Variants in STXBP5L observed in about 807,000 individuals in gnomAD.
STXBP5L encodes syntaxin-binding protein 5-like.
In STXBP5L, 65 loss-of-function variants were observed where a neutral mutation model predicts 144.5. The ratio of observed to expected loss-of-function variants is 0.45; its 90% confidence interval spans 0.37 to 0.55. The LOEUF is 0.55. Among genes scored for constraint, STXBP5L ranks in the 20% least tolerant of loss-of-function variants. STXBP5L has a pLI of 0.00. For synonymous variants in STXBP5L, 505 were observed against 469.6 expected (o/e 1.08, Z -0.97); for missense variants, 1,298 against 1,405.5 (o/e 0.92, Z 1.22).
intron 3 of STXBP5L, among the ~76,000 whole-genome samples, chr3:121,013,611 T>C (rs1436663400): frequency 6.6e-6 from 1 of 152,096 alleles, no homozygotes; most frequent in Non-Finnish European, 1.5e-5. Context: ...TCTCCCATTC[T>C]GTAGGTCATT....
At chr3:121,378,437 G>A (rs1413500107) in intron 20 of STXBP5L, among the ~76,000 whole-genome samples, 1 of 152,042 alleles carries the variant, frequency 6.6e-6, no homozygotes, top group Admixed American at 6.6e-5. Flanking sequence ...ATACTATAAT[G>A]ACAGAATACA....
chr3:121,211,334 C>T (rs375969161), intron 10 of STXBP5L, among the ~76,000 whole-genome samples: 22 of 152,138 alleles, frequency 1.4e-4, no homozygotes, highest in South Asian at 4.1e-4. Context: ...TGGGCTGAGA[C>T]GATGGGGTTT....
chr3:121,176,140 T>C (rs1428894323), intron 9 of STXBP5L, among the ~76,000 whole-genome samples: 2 of 152,044 alleles, frequency 1.3e-5, no homozygotes, highest in Admixed American at 6.6e-5. Flanking sequence ...CTAATCTCTC[T>C]GTAATTGATA....
intron 3 of STXBP5L, among the ~76,000 whole-genome samples, chr3:121,003,897 G>T (rs1197869001): frequency 6.6e-6 from 1 of 152,064 alleles, no homozygotes; most frequent in Non-Finnish European, 1.5e-5. Flanking sequence ...GCTCTGTTCT[G>T]TTCCATTGGT....
chr3:121,411,860 ACAATAGAC>A (rs1428650753), intron 23 of STXBP5L, among the ~76,000 whole-genome samples: 1 of 152,154 alleles, frequency 6.6e-6, no homozygotes, highest in Non-Finnish European at 1.5e-5. Context: ...TTAAAGAAAG[ACAATAGAC>A]CAAGTATGCA....
At chr3:121,264,309 A>G (rs1482752392) in intron 18 of STXBP5L, among the ~76,000 whole-genome samples, 1 of 152,224 alleles carries the variant, frequency 6.6e-6, no homozygotes, top group East Asian at 1.9e-4. Flanking sequence ...CTCCTGAGGA[A>G]AGCTGAGGCA....
intron 7 of STXBP5L, among the ~76,000 whole-genome samples, chr3:121,146,817 T>C (rs2045728202): frequency 1.3e-5 from 2 of 152,088 alleles, no homozygotes; most frequent in African/African-American, 4.8e-5. Flanking sequence ...AATGATGACA[T>C]AGATTTATAG....
At chr3:121,128,969 G>A (rs2044844328) in intron 7 of STXBP5L, among the ~76,000 whole-genome samples, 1 of 152,088 alleles carries the variant, frequency 6.6e-6, no homozygotes, top group East Asian at 1.9e-4. Context: ...TTGTTTGCAG[G>A]AGTAACTGTT....
chr3:121,004,815 G>T (rs1049713746), intron 3 of STXBP5L, among the ~76,000 whole-genome samples: 2 of 152,036 alleles, frequency 1.3e-5, no homozygotes, highest in Non-Finnish European at 2.9e-5. Flanking sequence ...TAATCATGTG[G>T]GTTTTGTCAT....
At chr3:121,004,956 T>G (rs1227766561) in intron 3 of STXBP5L, among the ~76,000 whole-genome samples, 1 of 152,180 alleles carries the variant, frequency 6.6e-6, no homozygotes, top group African/African-American at 2.4e-5. Flanking sequence ...GGTTTGCCAG[T>G]ATTTTGTTGA....
chr3:121,245,037 G>A (rs752343036), intron 14 of STXBP5L, among the ~76,000 whole-genome samples: 9 of 152,022 alleles, frequency 5.9e-5, no homozygotes, highest in South Asian at 2.1e-4. Context: ...ATAGAATATC[G>A]TAAGATTTTA....
intron 11 of STXBP5L, among the ~76,000 whole-genome samples, chr3:121,223,697 G>T (rs372886980): frequency 1.3e-5 from 2 of 152,122 alleles, no homozygotes; most frequent in African/African-American, 2.4e-5. Context: ...GAGGAGAAAT[G>T]CTTATATATT....
At chr3:121,338,666 A>G (rs1294062542) in intron 20 of STXBP5L, among the ~76,000 whole-genome samples, 1 of 151,644 alleles carries the variant, frequency 6.6e-6, no homozygotes, top group Non-Finnish European at 1.5e-5. Context: ...AAGAGAAAGA[A>G]AAAAAGAAAG....
At chr3:121,127,562 A>G (rs555518621) in intron 7 of STXBP5L, among the ~76,000 whole-genome samples, 4 of 151,474 alleles carry the variant, frequency 2.6e-5, no homozygotes, top group African/African-American at 7.3e-5. Context: ...TCCTCTTTTT[A>G]TAACAACAGG....
chr3:121,205,849 C>T (rs2048315039), intron 9 of STXBP5L, 74 bp from the exon 10 acceptor site: 1 of 725,558 alleles, frequency 1.4e-6, no homozygotes, highest in Middle Eastern at 4.2e-4. Flanking sequence ...TTTAAATTCC[C>T]TTAGTCAAAT....
At chr3:121,234,169 A>G (rs1019407602) in intron 12 of STXBP5L, among the ~76,000 whole-genome samples, 2 of 152,162 alleles carry the variant, frequency 1.3e-5, no homozygotes, top group African/African-American at 4.8e-5. Context: ...ATGCTATAAT[A>G]GTGGTGCTCT....
intron 7 of STXBP5L, among the ~76,000 whole-genome samples, chr3:121,143,666 C>T (rs148215366): frequency 1.4e-4 from 21 of 151,910 alleles, no homozygotes; most frequent in African/African-American, 5.1e-4. Flanking sequence ...ATGTGGTCAA[C>T]TGATCTTTGA....
intron 18 of STXBP5L, among the ~76,000 whole-genome samples, chr3:121,274,055 A>G (rs1175268821): frequency 1.3e-5 from 2 of 152,218 alleles, no homozygotes; most frequent in Non-Finnish European, 2.9e-5. Context: ...CATTTTTCAG[A>G]TAACTAATAG....
chr3:121,409,233 T>C (rs2047063449), intron 23 of STXBP5L, among the ~76,000 whole-genome samples: 1 of 151,820 alleles, frequency 6.6e-6, no homozygotes, highest in South Asian at 2.1e-4. Flanking sequence ...TCTACGTTTA[T>C]GTAGTGAAAG....
Sources: gnomAD v4.1 joint callset for allele counts (sites outside exome capture counted in the v4.1 genomes callset) on GRCh38, gnomAD v4.1.1 for gene constraint, MANE v1.5 for transcripts, NCBI Gene and HGNC (gene_info 2026-07-23, HGNC 2026-07-21) for gene names.